Variants in GRIK4 observed in about 807,000 individuals in gnomAD.
GRIK4 encodes glutamate ionotropic receptor kainate type subunit 4, also known as glutamate receptor ionotropic, kainate 4.
A neutral mutation model predicts 104.9 loss-of-function variants in GRIK4; 40 were observed. That is an observed-to-expected ratio of 0.38 (90% CI 0.30 to 0.50). The LOEUF (loss-of-function observed/expected upper bound fraction) is 0.50, where lower values mean the gene tolerates loss of function less well. GRIK4 is among the 20% of genes least tolerant of loss of function. The probability of loss-of-function intolerance (pLI) is 0.93; values close to 1 mark genes in which losing one functional copy is unlikely to be tolerated. For synonymous variants in GRIK4, 485 were observed against 524.9 expected, an observed-to-expected ratio of 0.92 and a Z score of 1.04; for missense variants, 1,047 against 1,308.1, an observed-to-expected ratio of 0.80 and a Z score of 3.08.
intron 13 of GRIK4, among the ~76,000 whole-genome samples, chr11:120,908,615 C>A (rs951151755): frequency 6.6e-6 from 1 of 152,054 alleles, no homozygotes; most frequent in Admixed American, 6.6e-5. Context: ...GGCAGGCAGG[C>A]GGGGAGAGTA....
intron 1 of GRIK4, among the ~76,000 whole-genome samples, chr11:120,512,367 G>GC (rs932118931): frequency 6.6e-5 from 10 of 150,898 alleles, no homozygotes; most frequent in African/African-American, 2.0e-4. Flanking sequence ...CCCGGCTGCA[G>GC]CCCCCCATCC....
intron 1 of GRIK4, among the ~76,000 whole-genome samples, chr11:120,570,212 G>A (rs542901018): frequency 6.6e-6 from 1 of 152,196 alleles, no homozygotes; most frequent in South Asian, 2.1e-4. Flanking sequence ...CAGGGGTTGG[G>A]GATTTTAAAA....
intron 2 of GRIK4, among the ~76,000 whole-genome samples, chr11:120,655,108 C>T (rs1949685037): frequency 6.6e-6 from 1 of 151,896 alleles, no homozygotes; most frequent in East Asian, 1.9e-4. Flanking sequence ...TACTATGTGC[C>T]AGATAGGGTG....
intron 3 of GRIK4, among the ~76,000 whole-genome samples, chr11:120,662,921 G>C (rs1949843093): frequency 6.6e-6 from 1 of 152,162 alleles, no homozygotes; most frequent in Non-Finnish European, 1.5e-5. Flanking sequence ...TGTGATGGCT[G>C]TTTTTCATTC....
At chr11:120,594,487 T>TAATA (rs528977575) in intron 1 of GRIK4, among the ~76,000 whole-genome samples, 249 of 152,108 alleles carry the variant, frequency 1.6e-3, no homozygotes, top group Non-Finnish European at 3.0e-3. Flanking sequence ...AATAAATAAA[T>TAATA]AATAAATAAA....
intron 1 of GRIK4, chr11:120,620,373 A>C: frequency 1.7e-6 from 1 of 584,126 alleles, no homozygotes; most frequent in Non-Finnish European, 3.1e-6. Context: ...GAGCCACCAC[A>C]GCCTAGTCCC....
intron 9 of GRIK4, chr11:120,872,125 G>C: frequency 8.7e-6 from 3 of 343,180 alleles, no homozygotes; most frequent in Non-Finnish European, 1.7e-5. Flanking sequence ...CACAGCCCCT[G>C]CCCTCAGGAA....
rs1943303070 is a variant in GRIK4 at position 120,924,657 on chromosome 11, A to T, written c.1477-15690A>T. ...ATTATTCCAAATTTAACACCACATG[A>T]CTTCTTGAGTCTCATTCTCCTCATC... is the stretch of plus-strand genomic sequence containing the variant. On this transcript the variant is annotated intron_variant, in intron 13 of 20. Transcript: ENST00000527524. Among the ~76,000 whole-genome samples the T allele has an allele frequency of 3.3e-5, 5 of 151,990 alleles. No individual in the cohort carries two copies. In the South Asian group the frequency reaches 8.3e-4, roughly 25 times the overall value.
At chr11:120,869,111 T>A (rs1242304353) in intron 9 of GRIK4, 1 of 152,364 alleles carries the variant, frequency 6.6e-6, no homozygotes, top group Non-Finnish European at 1.5e-5. Context: ...GATTGGTGAC[T>A]GTGAGGAGAG....
intron 14 of GRIK4, among the ~76,000 whole-genome samples, chr11:120,949,524 T>C (rs1359049393): frequency 6.6e-6 from 1 of 152,178 alleles, no homozygotes; most frequent in African/African-American, 2.4e-5. Flanking sequence ...CAGAGACGTG[T>C]ATAAATCAAT....
At chr11:120,853,888 G>A (rs1014670888) in intron 8 of GRIK4, among the ~76,000 whole-genome samples, 1 of 152,202 alleles carries the variant, frequency 6.6e-6, no homozygotes, top group Non-Finnish European at 1.5e-5. Context: ...CTAGCCCAGT[G>A]CTGAGCACAC....
Position 120,940,520 on chromosome 11 carries a change from G to A in GRIK4, c.1590+60G>A, listed in dbSNP as rs1943699058. ...AAAGTTATTTGCATGCAAACACTGA[G>A]TTATACGGGAATAATGAATGACTCA... On this transcript the variant is annotated intron_variant, in intron 14 of 20. Transcript: ENST00000527524. The surrounding 1 kb of genome is among the most constrained non-coding windows in gnomAD (Gnocchi z 4.3). 1 of 900,216 alleles carries A rather than the reference G, an allele frequency of 1.1e-6. No individual in the cohort carries two copies. The highest frequency in any genetic ancestry group is 1.6e-5 in the African/African-American group (1 of 60,710). The allele number at this position is 900,216 out of a possible 1,614,324, so 55.8% of individuals were successfully genotyped here. A position where few individuals can be genotyped will look rare whatever the true frequency, so the allele number is the denominator to read the frequency against.
chr11:120,523,258 G>A (rs887102987), intron 1 of GRIK4, among the ~76,000 whole-genome samples: 11 of 151,442 alleles, frequency 7.3e-5, no homozygotes, highest in East Asian at 5.8e-4. Flanking sequence ...TAAATAGGCC[G>A]GAACATGAGA....
At position 120,748,214 on chromosome 11, in the gene GRIK4, C is replaced by T. The variant is rs947468698; in HGVS notation, c.83-54479C>T. Among the ~76,000 whole-genome samples, 4 of 152,232 alleles carry T rather than the reference C, an allele frequency of 2.6e-5. No individual in the cohort carries two copies. In the South Asian group the frequency reaches 6.2e-4, roughly 24 times the overall value. On this transcript the variant is annotated intron_variant, in intron 3 of 20. Transcript: ENST00000527524. ...CCTCCTCTCTCCCTGCGTCCCTCCTCCTCTAGCACTTGGCTGTTGTGTCCA... is the reference window on the plus strand; with the variant it reads ...CCTCCTCTCTCCCTGCGTCCCTCCTTCTCTAGCACTTGGCTGTTGTGTCCA...
chr11:120,741,168 C>T (rs1427835302), intron 3 of GRIK4, among the ~76,000 whole-genome samples: 1 of 151,878 alleles, frequency 6.6e-6, no homozygotes, highest in Non-Finnish European at 1.5e-5. Context: ...TTACCACTCA[C>T]AATATCCTCC....
chr11:120,749,191 C>T lies in GRIK4; in HGVS notation c.83-53502C>T, dbSNP rs539809700. Among the ~76,000 whole-genome samples, 8 of 152,160 alleles carry T rather than the reference C, an allele frequency of 5.3e-5. 1 individual carries two copies. The South Asian group carries it at 1.7e-3, about 32-fold the overall frequency. The stretch of plus-strand genomic sequence containing the variant: ...CCAGGGGAGTTCTGCCAACATTCCC[C>T]CCACCCCATCCCACTCCCAACATCC... On this transcript the variant is annotated intron_variant, in intron 3 of 20. Transcript: ENST00000527524.
intron 1 of GRIK4, among the ~76,000 whole-genome samples, chr11:120,636,010 C>T (rs115349889): frequency 1.8e-3 from 271 of 152,310 alleles, no homozygotes; most frequent in African/African-American, 6.0e-3. Flanking sequence ...ACTCTGTGAG[C>T]GTGGACTTCT....
At chr11:120,713,484 T>C (rs1271707276) in intron 3 of GRIK4, among the ~76,000 whole-genome samples, 2 of 152,222 alleles carry the variant, frequency 1.3e-5, no homozygotes, top group Admixed American at 1.3e-4. Context: ...TCAGTCATTG[T>C]CATGTTGTAA....
intron 3 of GRIK4, among the ~76,000 whole-genome samples, chr11:120,732,879 C>T (rs1441335769): frequency 1.3e-5 from 2 of 152,096 alleles, no homozygotes; most frequent in Non-Finnish European, 2.9e-5. Flanking sequence ...ATATTAAGTC[C>T]AGTGTTTCTT....
Sources: gnomAD v4.1 joint callset for allele counts (sites outside exome capture counted in the v4.1 genomes callset) on GRCh38, gnomAD v4.1.1 for gene constraint, Gnocchi (gnomAD v3.1) non-coding constraint, MANE v1.5 for transcripts, NCBI Gene and HGNC (gene_info 2026-07-23, HGNC 2026-07-21) for gene names.